Variants in DLC1 observed in about 807,000 individuals in gnomAD.
DLC1 encodes the protein DLC1 Rho GTPase activating protein, also known as rho GTPase-activating protein 7.
A neutral mutation model predicts 140.3 loss-of-function variants in DLC1; 54 were observed. The observed-to-expected ratio is 0.38, with a 90% confidence interval of 0.31 to 0.48. The LOEUF (loss-of-function observed/expected upper bound fraction) is 0.48, where lower values mean the gene tolerates loss of function less well. Ranked by LOEUF, DLC1 falls within the 20% of genes least tolerant of loss-of-function variation. DLC1 has a pLI of 0.96. For synonymous variants in DLC1, 986 were observed against 728.1 expected (o/e 1.35, Z -5.70); for missense variants, 2,536 against 1,907.0 (o/e 1.33, Z -6.14).
At chr8:13,483,356 G>C (rs1422046690) in intron 2 of DLC1, among the ~76,000 whole-genome samples, 8 of 152,142 alleles carry the variant, frequency 5.3e-5, no homozygotes, top group Non-Finnish European at 5.9e-5. Flanking sequence ...TGTACCTTTT[G>C]AGGGGCCACA....
chr8:13,461,874 G>A (rs1322951001), intron 2 of DLC1, among the ~76,000 whole-genome samples: 1 of 152,148 alleles, frequency 6.6e-6, no homozygotes, highest in East Asian at 1.9e-4. Context: ...CAGTATTTGA[G>A]GATGCAGCCT....
At chr8:13,107,311 G>C (rs1282498544) in intron 7 of DLC1, among the ~76,000 whole-genome samples, 6 of 152,196 alleles carry the variant, frequency 3.9e-5, no homozygotes, top group Admixed American at 2.0e-4. Flanking sequence ...CAAAGGAGCT[G>C]TAAGATCTGT....
chr8:13,401,719 A>G lies in DLC1; in HGVS notation c.1024-100T>C, dbSNP rs1406220565. The stretch of plus-strand genomic sequence containing the variant: ...AATGTGACAAAAAGTACACTGGATA[A>G]TAGGCAGTCTTTAATTAGAAGAGAA... On this transcript the variant is annotated intron_variant, in intron 2 of 17. Transcript: ENST00000276297. 50 of 1,425,654 alleles carry G rather than the reference A, an allele frequency of 3.5e-5. 1 individual carries two copies. In the South Asian group the frequency reaches 6.7e-4, roughly 19 times the overall value. 88.3% of individuals were successfully genotyped at this position (1,425,654 alleles called of 1,614,324 possible). A position where few individuals can be genotyped will look rare whatever the true frequency, so the allele number is the denominator to read the frequency against.
intron 5 of DLC1, among the ~76,000 whole-genome samples, chr8:13,168,263 G>C (rs895086529): frequency 7.9e-5 from 12 of 152,046 alleles, no homozygotes; most frequent in African/African-American, 2.9e-4. Flanking sequence ...TTATAAATTT[G>C]ATTATTGGCT....
intron 8 of DLC1, among the ~76,000 whole-genome samples, chr8:13,101,326 G>A (rs979897725): frequency 6.6e-6 from 1 of 152,202 alleles, no homozygotes; most frequent in African/African-American, 2.4e-5. Context: ...GGATCCATAG[G>A]CTGTTCTTTA....
At chr8:13,444,607 C>T (rs1410685874) in intron 2 of DLC1, among the ~76,000 whole-genome samples, 3 of 152,044 alleles carry the variant, frequency 2.0e-5, no homozygotes, top group African/African-American at 7.2e-5. Context: ...ATATTTGAGA[C>T]CAAAATAATA....
intron 2 of DLC1, among the ~76,000 whole-genome samples, chr8:13,478,833 T>C (rs1017535330): frequency 7.2e-5 from 11 of 152,208 alleles, no homozygotes; most frequent in South Asian, 4.1e-4. Flanking sequence ...CTCACTTTCT[T>C]CAATTCTCGT....
At chr8:13,135,349 T>C (rs1352083278) in intron 5 of DLC1, among the ~76,000 whole-genome samples, 3 of 151,688 alleles carry the variant, frequency 2.0e-5, no homozygotes, top group African/African-American at 4.9e-5. Context: ...CCCAGCTAAT[T>C]TTTTTGTATT....
intron 5 of DLC1, among the ~76,000 whole-genome samples, chr8:13,144,856 TACAG>T (rs1157336365): frequency 6.6e-6 from 1 of 152,202 alleles, no homozygotes; most frequent in Non-Finnish European, 1.5e-5. Flanking sequence ...CCTTGACTAA[TACAG>T]ACCCCTAAGG....
chr8:13,119,359 C>G (rs982246060), intron 5 of DLC1, among the ~76,000 whole-genome samples: 4 of 152,132 alleles, frequency 2.6e-5, no homozygotes, highest in African/African-American at 9.7e-5. Context: ...GTGCTCATCT[C>G]CACACACACT....
chr8:13,395,354 C>T (rs4831419), intron 3 of DLC1, among the ~76,000 whole-genome samples: 32,181 of 152,036 alleles, frequency 0.21, 4,033 homozygotes, highest in Admixed American at 0.27. Context: ...AACTCCTCAC[C>T]TCGTGATCCA....
In DLC1 at chr8:13,401,604, G is replaced by T. The variant is rs373651244; in HGVS notation, c.1039C>A (p.Arg347=). The change falls in exon 3 of 18, where the codon CGA becomes AGA. Residue 347 remains arginine, a synonymous_variant. Transcript: ENST00000276297. ...ATGGAGTCCAGCCGCGCCCTATCTCGATCTTCTCTTATTTCCTGAGGAACA... is the reference window on the plus strand; with the variant it reads ...ATGGAGTCCAGCCGCGCCCTATCTCTATCTTCTCTTATTTCCTGAGGAACA... ...LRKRKEIRED[R]DRARLDSMVL... is the part of the protein sequence containing the mutation. 5.0e-6 allele frequency: 8 copies of T among 1,613,032 alleles called. No individual in the cohort carries two copies. The East Asian group carries it at 8.9e-5, about 18-fold the overall frequency.
At position 13,594,937 on chromosome 8, in the gene DLC1, CTATT is replaced by C. The variant is rs534791304; in HGVS notation, c.-126+9596_-126+9599del. Among the ~76,000 whole-genome samples the C allele has an allele frequency of 3.2e-3, 485 of 151,414 alleles. 2 individuals carry two copies. Among genetic ancestry groups the C allele is most frequent in the South Asian group, 8.4e-3 (40 of 4,776 alleles). On this transcript the variant is annotated intron_variant, in intron 1 of 1. Transcript: ENST00000631382. The stretch of plus-strand genomic sequence containing the variant: ...TTGTGGAAGTTGATGTTCAATGTGA[CTATT>C]GATTGATTCTTAATCTTTGATTCCT...
At chr8:13,397,142 G>T (rs762947089) in intron 3 of DLC1, among the ~76,000 whole-genome samples, 2 of 152,128 alleles carry the variant, frequency 1.3e-5, no homozygotes. Context: ...GCCCAGGGAA[G>T]GGTGCATCTT....
At chr8:13,295,883 G>GAAACTCAAAA (rs762818439) in intron 5 of DLC1, among the ~76,000 whole-genome samples, 16 of 143,648 alleles carry the variant, frequency 1.1e-4, no homozygotes, top group Non-Finnish European at 1.7e-4. Flanking sequence ...CTGTGCACTG[G>GAAACTCAAAA]AAACTCAAAA....
chr8:13,288,124 T>C (rs1016435811), intron 5 of DLC1, among the ~76,000 whole-genome samples: 5 of 152,198 alleles, frequency 3.3e-5, no homozygotes, highest in African/African-American at 1.2e-4. Context: ...TTTGACTTTT[T>C]TTCTAACCTA....
At chr8:13,292,236 C>T (rs186743725) in intron 5 of DLC1, among the ~76,000 whole-genome samples, 63 of 152,218 alleles carry the variant, frequency 4.1e-4, no homozygotes, top group African/African-American at 1.4e-3. Context: ...GTCTCCACCC[C>T]ACAGTCCTCT....
chr8:13,599,502 C>G (rs943301535), intron 1 of DLC1, among the ~76,000 whole-genome samples: 6 of 151,804 alleles, frequency 4.0e-5, no homozygotes, highest in Middle Eastern at 3.4e-3. Context: ...GACAGAGTGC[C>G]CTAATTTCTT....
intron 5 of DLC1, among the ~76,000 whole-genome samples, chr8:13,185,230 G>T (rs1220843857): frequency 7.0e-6 from 1 of 143,212 alleles, no homozygotes; most frequent in Non-Finnish European, 1.5e-5. Context: ...CCTGAATATA[G>T]TACACTGATG....
Sources: gnomAD v4.1 joint callset for allele counts (sites outside exome capture counted in the v4.1 genomes callset) on GRCh38, gnomAD v4.1.1 for gene constraint, MANE v1.5 for transcripts, NCBI Gene and HGNC (gene_info 2026-07-23, HGNC 2026-07-21) for gene names.